The following ARHGAP15 variants were observed in gnomAD, a reference collection of about 807,000 sequenced individuals.
ARHGAP15 encodes Rho GTPase activating protein 15, also known as rho GTPase-activating protein 15.
In ARHGAP15, 51 loss-of-function variants were observed where a neutral mutation model predicts 63.7. That is an observed-to-expected ratio of 0.80 (90% CI 0.64 to 1.01). The LOEUF is 1.01. Among genes scored for constraint, ARHGAP15 ranks in the 50% least tolerant of loss-of-function variants. The pLI is 0.00. For synonymous variants in ARHGAP15, 191 were observed against 193.8 expected, an observed-to-expected ratio of 0.99 and a Z score of 0.12; for missense variants, 560 against 564.6, an observed-to-expected ratio of 0.99 and a Z score of 0.08.
At chr2:143,629,959 ATAAATAC>A (rs1160875880) in intron 12 of ARHGAP15, among the ~76,000 whole-genome samples, 1 of 152,182 alleles carries the variant, frequency 6.6e-6, no homozygotes, top group Admixed American at 6.5e-5. Context: ...AAATACAAAT[ATAAATAC>A]TTTGTATCAT....
At chr2:143,135,779 CT>C (rs1209954845) in intron 1 of ARHGAP15, among the ~76,000 whole-genome samples, 2 of 152,154 alleles carry the variant, frequency 1.3e-5, no homozygotes, top group Admixed American at 1.3e-4. Context: ...TTTGCTAACA[CT>C]TTCTCATCAT....
intron 2 of ARHGAP15, among the ~76,000 whole-genome samples, chr2:143,188,007 G>A (rs975814843): frequency 5.9e-5 from 9 of 152,096 alleles, no homozygotes; most frequent in Non-Finnish European, 1.5e-5. Context: ...CTATTCATCA[G>A]TTCCCCTTCC....
intron 6 of ARHGAP15, among the ~76,000 whole-genome samples, chr2:143,304,718 T>C (rs1007685439): frequency 6.6e-6 from 1 of 152,034 alleles, no homozygotes; most frequent in Non-Finnish European, 1.5e-5. Flanking sequence ...ATACATTAAA[T>C]ATATTTAAAA....
intron 6 of ARHGAP15, among the ~76,000 whole-genome samples, chr2:143,279,391 CT>C (rs1256978727): frequency 6.6e-6 from 1 of 152,130 alleles, no homozygotes; most frequent in African/African-American, 2.4e-5. Context: ...ATCCTGCAAA[CT>C]GGTATATATG....
chr2:143,146,103 A>G (rs1689578719), intron 1 of ARHGAP15, among the ~76,000 whole-genome samples: 1 of 151,846 alleles, frequency 6.6e-6, no homozygotes. Flanking sequence ...GGATATAAAT[A>G]ATAAGTTAAA....
intron 4 of ARHGAP15, among the ~76,000 whole-genome samples, chr2:143,218,992 G>A (rs1195022514): frequency 3.3e-5 from 5 of 152,112 alleles, no homozygotes; most frequent in Admixed American, 6.6e-5. Context: ...TCTATATGTC[G>A]TCCATTGTGG....
chr2:143,416,201 T>C (rs1688672048), intron 6 of ARHGAP15, among the ~76,000 whole-genome samples: 1 of 151,460 alleles, frequency 6.6e-6, no homozygotes, highest in South Asian at 2.1e-4. Flanking sequence ...TGTTTACCTA[T>C]GTAACAAACA....
At chr2:143,398,514 T>C (rs1272651361) in intron 6 of ARHGAP15, among the ~76,000 whole-genome samples, 2 of 152,074 alleles carry the variant, frequency 1.3e-5, no homozygotes, top group Non-Finnish European at 2.9e-5. Context: ...TATGATTGAA[T>C]GTAAACGACC....
At chr2:143,153,336 G>A (rs1322875617) in intron 1 of ARHGAP15, among the ~76,000 whole-genome samples, 2 of 151,742 alleles carry the variant, frequency 1.3e-5, no homozygotes, top group Non-Finnish European at 2.9e-5. Context: ...TATTTTTCTA[G>A]AAAAATATAT....
chr2:143,234,969 T>G (rs750556347), intron 5 of ARHGAP15, among the ~76,000 whole-genome samples: 20 of 152,172 alleles, frequency 1.3e-4, no homozygotes, highest in Non-Finnish European at 2.8e-4. Flanking sequence ...ATTTTTATTG[T>G]TTTCAGTGGG....
intron 9 of ARHGAP15, among the ~76,000 whole-genome samples, chr2:143,500,488 GAT>G (rs1693008511): frequency 6.6e-6 from 1 of 152,024 alleles, no homozygotes; most frequent in African/African-American, 2.4e-5. Flanking sequence ...AAGAGATTTA[GAT>G]ATATTTGACA....
intron 8 of ARHGAP15, among the ~76,000 whole-genome samples, chr2:143,445,221 C>T (rs1015810570): frequency 5.2e-5 from 6 of 116,018 alleles, no homozygotes; most frequent in Admixed American, 1.3e-4. Context: ...AGTGCAATGG[C>T]GTGGTCTTGG....
At chr2:143,284,620 A>C (rs974931621) in intron 6 of ARHGAP15, among the ~76,000 whole-genome samples, 1 of 152,240 alleles carries the variant, frequency 6.6e-6, no homozygotes, top group Non-Finnish European at 1.5e-5. Flanking sequence ...AGTGCGTCAC[A>C]AGACTTTAGG....
chr2:143,650,462 A>T (rs920026441), intron 12 of ARHGAP15, among the ~76,000 whole-genome samples: 1 of 151,888 alleles, frequency 6.6e-6, no homozygotes, highest in African/African-American at 2.4e-5. Flanking sequence ...CTAAAATGTG[A>T]TGGTTTTATG....
At chr2:143,253,867 G>A (rs995481049) in intron 6 of ARHGAP15, among the ~76,000 whole-genome samples, 1 of 151,924 alleles carries the variant, frequency 6.6e-6, no homozygotes, top group African/African-American at 2.4e-5. Flanking sequence ...AACACAGAAA[G>A]ATAGTACACA....
At chr2:143,516,982 C>T (rs1305116083) in intron 9 of ARHGAP15, among the ~76,000 whole-genome samples, 1 of 114,196 alleles carries the variant, frequency 8.8e-6, no homozygotes, top group African/African-American at 3.7e-5. Context: ...TGGAGTCTCA[C>T]TCTGTTGCCA....
intron 13 of ARHGAP15, among the ~76,000 whole-genome samples, chr2:143,731,646 T>G (rs897869421): frequency 2.0e-5 from 3 of 152,226 alleles, no homozygotes; most frequent in Non-Finnish European, 2.9e-5. Context: ...TTTCCATACT[T>G]TGAATTCATA....
intron 11 of ARHGAP15, among the ~76,000 whole-genome samples, chr2:143,559,748 G>A (rs1695948445): frequency 6.6e-6 from 1 of 152,130 alleles, no homozygotes; most frequent in South Asian, 2.1e-4. Flanking sequence ...TGTACATGTG[G>A]CCCTCTGTGG....
At chr2:143,227,210 G>A (rs966057763) in intron 4 of ARHGAP15, among the ~76,000 whole-genome samples, 3 of 152,044 alleles carry the variant, frequency 2.0e-5, no homozygotes, top group African/African-American at 7.2e-5. Flanking sequence ...AACTATAGAA[G>A]CAATATGTGT....
Sources: allele counts gnomAD v4.1 joint callset (sites outside exome capture counted in the v4.1 genomes callset), GRCh38; gene constraint gnomAD v4.1.1; transcripts MANE v1.5; gene names NCBI Gene and HGNC (gene_info 2026-07-23, HGNC 2026-07-21).